Variants in CCDC14 observed in about 807,000 individuals in gnomAD.
The protein encoded by CCDC14 is coiled-coil domain containing 14.
CCDC14 carries 71 observed loss-of-function variants against 81.4 expected under a neutral mutation model. The observed-to-expected ratio is 0.87, with a 90% CI of 0.72 to 1.06. The LOEUF (loss-of-function observed/expected upper bound fraction) is 1.06, where lower values mean the gene tolerates loss of function less well. Among genes scored for constraint, CCDC14 ranks in the 50% least tolerant of loss-of-function variants. The pLI is 0.00. For synonymous variants in CCDC14, 332 were observed against 364.8 expected (o/e 0.91, Z 1.03); for missense variants, 1,046 against 1,047.3 (o/e 1.00, Z 0.02).
downstream of CCDC14, among the ~76,000 whole-genome samples, chr3:123,911,878 T>C (rs1261242208): frequency 6.6e-6 from 1 of 152,174 alleles, no homozygotes; most frequent in Non-Finnish European, 1.5e-5. Context: ...TTTATCACTT[T>C]TAAGGCACTT....
chr3:123,940,650 C>T (rs1652460340), intron 9 of CCDC14, among the ~76,000 whole-genome samples: 1 of 152,056 alleles, frequency 6.6e-6, no homozygotes, highest in African/African-American at 2.4e-5. Flanking sequence ...ACACACTCTA[C>T]CTTCTTGGTG....
intron 9 of CCDC14, among the ~76,000 whole-genome samples, chr3:123,940,697 T>C (rs2148895834): frequency 6.6e-6 from 1 of 152,190 alleles, no homozygotes; most frequent in South Asian, 2.1e-4. Context: ...AACAGATCAC[T>C]TACTTTCAAT....
chr3:123,947,944 AG>A (rs1206687892), intron 7 of CCDC14, among the ~76,000 whole-genome samples: 1 of 152,136 alleles, frequency 6.6e-6, no homozygotes, highest in Admixed American at 6.5e-5. Flanking sequence ...AAAAATTCAA[AG>A]GGTATATATT....
chr3:123,911,132 GTTCTT>G (rs2034434396), downstream of CCDC14, among the ~76,000 whole-genome samples: 1 of 152,164 alleles, frequency 6.6e-6, no homozygotes, highest in Admixed American at 6.5e-5. Context: ...CTGTAGAACA[GTTCTT>G]TTCTTTGGGT....
At chr3:123,891,341 G>A in the CCDC14 span, among the ~76,000 whole-genome samples, 1 of 152,136 alleles carries the variant, frequency 6.6e-6, no homozygotes, top group African/African-American at 2.4e-5. Context: ...TCAGAAAATG[G>A]GATTTTCTCT....
At chr3:123,900,082 T>A (rs1012193205) in intron 5 of CCDC14, among the ~76,000 whole-genome samples, 1 of 152,224 alleles carries the variant, frequency 6.6e-6, no homozygotes, top group African/African-American at 2.4e-5. Flanking sequence ...TTTTTCTATA[T>A]ATCCAAGCAA....
At chr3:123,927,097 CT>C (rs2035408420) in intron 12 of CCDC14, among the ~76,000 whole-genome samples, 1 of 152,006 alleles carries the variant, frequency 6.6e-6, no homozygotes, top group Non-Finnish European at 1.5e-5. Context: ...AGCTCAGAGA[CT>C]TTTTTGTTTT....
chr3:123,915,389 GA>G lies in CCDC14; in HGVS notation c.2107del (p.Ser703LeufsTer17), dbSNP rs756438758. On this transcript the variant is annotated frameshift_variant, in exon 13 of 13. Coordinates refer to ENST00000409697, the MANE Select transcript of CCDC14 (RefSeq NM_001366335.1). LOFTEE classifies it low-confidence loss of function (END_TRUNC). ...MEEASAPGIISALSKQDSDEG... is the reference protein window; with the variant it reads ...MEEASAPGIIXALSKQDSDEG... ...ATCAGAATCCTGTTTTGAAAGGGCA[GA>G]AATAATTCCAGGTGCAGATGCTTCC... 6.8e-6 allele frequency: 11 copies of G among 1,613,702 alleles called. No individual in the cohort carries two copies. In the East Asian group the frequency reaches 2.5e-4, roughly 36 times the overall value.
chr3:123,912,322 GGCAGTAAT>G (rs1271796247), downstream of CCDC14, among the ~76,000 whole-genome samples: 1 of 152,154 alleles, frequency 6.6e-6, no homozygotes, highest in Non-Finnish European at 1.5e-5. Flanking sequence ...ACTACGATGA[GGCAGTAAT>G]GCTGACTCCT....
chr3:123,949,226 C>T, intron 5 of CCDC14, 94 bp from the exon 6 acceptor site: 1 of 700,388 alleles, frequency 1.4e-6, no homozygotes, highest in Non-Finnish European at 2.4e-6. Flanking sequence ...CAGAAGTAGT[C>T]CAATCCATCA....
intron 1 of CCDC14, among the ~76,000 whole-genome samples, chr3:123,960,084 C>T (rs568586272): frequency 2.6e-5 from 4 of 152,302 alleles, no homozygotes; most frequent in African/African-American, 9.6e-5. Flanking sequence ...TGCAAAGCTG[C>T]TCTCCAAAAG....
At position 123,940,563 on chromosome 3, in the gene CCDC14, T is replaced by C. The variant is rs538622744; in HGVS notation, c.1343+4286A>G. ...TTTTCTTCCTGTGACTTTTGTGATG[T>C]CACTCTCCTAATTTTAATCTTCTGT... On this transcript the variant is annotated intron_variant, in intron 9 of 12. Transcript: ENST00000409697. Among the ~76,000 whole-genome samples, 4 of 152,138 alleles carry C rather than the reference T, an allele frequency of 2.6e-5. No homozygotes were observed. The East Asian group carries it at 7.7e-4, about 29-fold the overall frequency.
chr3:123,913,594 T>G lies in CCDC14; in HGVS notation c.*1185A>C, dbSNP rs1259377925. The G allele has an allele frequency of 1.0e-6, 1 of 983,642 alleles. No homozygotes were observed. Among genetic ancestry groups the G allele is most frequent in the East Asian group, 1.1e-4 (1 of 8,788 alleles). 60.9% of individuals were successfully genotyped at this position (983,642 alleles called of 1,614,324 possible). A position where few individuals can be genotyped will look rare whatever the true frequency, so the allele number is the denominator to read the frequency against. On this transcript the variant is annotated 3_prime_UTR_variant, in exon 13 of 13. Coordinates refer to ENST00000409697, the MANE Select transcript of CCDC14 (RefSeq NM_001366335.1). ...GAATTCACTTAATAAATTTTTAGAC[T>G]TAAATCTCTATCTGGAAAATCTGAA...
intron 1 of CCDC14, 21 bp downstream of exon 1, chr3:123,961,123 C>T: frequency 6.5e-7 from 1 of 1,547,980 alleles, no homozygotes; most frequent in Non-Finnish European, 8.7e-7. Flanking sequence ...ACAGCGGACT[C>T]CTCAGGTCCT....
intron 12 of CCDC14, among the ~76,000 whole-genome samples, chr3:123,923,769 T>C (rs1282808132): frequency 1.3e-5 from 2 of 150,774 alleles, no homozygotes; most frequent in African/African-American, 4.9e-5. Flanking sequence ...CTAAAAACTA[T>C]GAAACACTGA....
intron 9 of CCDC14, among the ~76,000 whole-genome samples, chr3:123,940,487 T>C (rs765593642): frequency 6.6e-6 from 1 of 152,004 alleles, no homozygotes; most frequent in Non-Finnish European, 1.5e-5. Flanking sequence ...CCTACCTTTG[T>C]TCTTGTTGTC....
At chr3:123,909,231 C>A (rs538423765), downstream of CCDC14, among the ~76,000 whole-genome samples, 14 of 152,098 alleles carry the variant, frequency 9.2e-5, no homozygotes, top group Middle Eastern at 3.2e-3. Flanking sequence ...CCCTACTGAG[C>A]GGCTGACAAC....
At chr3:123,960,101 C>A (rs2037588733) in intron 1 of CCDC14, among the ~76,000 whole-genome samples, 1 of 152,182 alleles carries the variant, frequency 6.6e-6, no homozygotes, top group African/African-American at 2.4e-5. Context: ...AAAGGAGTGT[C>A]CTAATCACAA....
At chr3:123,917,821 C>T (rs917981535) in intron 12 of CCDC14, among the ~76,000 whole-genome samples, 1 of 152,020 alleles carries the variant, frequency 6.6e-6, no homozygotes, top group Non-Finnish European at 1.5e-5. Flanking sequence ...GTCTCACACT[C>T]TTTGGCCCAC....
Sources: gnomAD v4.1 joint callset for allele counts (sites outside exome capture counted in the v4.1 genomes callset) on GRCh38, gnomAD v4.1.1 for gene constraint, MANE v1.5 for transcripts, NCBI Gene and HGNC (gene_info 2026-07-23, HGNC 2026-07-21) for gene names.